Variants in PRKAR1B observed in about 807,000 individuals in gnomAD.
PRKAR1B encodes protein kinase cAMP-dependent type I regulatory subunit beta.
PRKAR1B carries 22 observed loss-of-function variants against 46.5 expected under a neutral mutation model. The observed-to-expected ratio is 0.47, with a 90% confidence interval of 0.34 to 0.68. The LOEUF (loss-of-function observed/expected upper bound fraction) is 0.68, where lower values mean the gene tolerates loss of function less well. Among genes scored for constraint, PRKAR1B ranks in the 30% least tolerant of loss-of-function variants. PRKAR1B has a pLI of 0.01. For synonymous variants in PRKAR1B, 259 were observed against 217.7 expected, an observed-to-expected ratio of 1.19 and a Z score of -1.67; for missense variants, 445 against 535.6, an observed-to-expected ratio of 0.83 and a Z score of 1.67.
intron 3 of PRKAR1B, among the ~76,000 whole-genome samples, chr7:677,592 A>T (rs1359669279): frequency 6.6e-6 from 1 of 152,026 alleles, no homozygotes; most frequent in Non-Finnish European, 1.5e-5. Flanking sequence ...ACACTTGGCT[A>T]ACTTTTTTAT....
chr7:581,737 A>G (rs1780197547), intron 8 of PRKAR1B, among the ~76,000 whole-genome samples: 1 of 152,044 alleles, frequency 6.6e-6, no homozygotes, highest in Non-Finnish European at 1.5e-5. Context: ...TTTTCAAGAG[A>G]CAGGGTCTCG....
intron 4 of PRKAR1B, among the ~76,000 whole-genome samples, chr7:608,726 G>A (rs1293644663): frequency 1.9e-4 from 22 of 117,580 alleles, no homozygotes; most frequent in South Asian, 1.1e-3. Context: ...ACCTGGGGAG[G>A]GGTCAGTGTG....
At chr7:553,648 C>T (rs916273446) in intron 9 of PRKAR1B, among the ~76,000 whole-genome samples, 2 of 152,206 alleles carry the variant, frequency 1.3e-5, no homozygotes, top group African/African-American at 2.4e-5. Flanking sequence ...AAGGTGGGCT[C>T]GGTTCACCCT....
At chr7:579,542 A>G (rs1156773843) in intron 8 of PRKAR1B, among the ~76,000 whole-genome samples, 165 bp from the exon 9 acceptor site, 1 of 152,216 alleles carries the variant, frequency 6.6e-6, no homozygotes, top group Admixed American at 6.5e-5. Context: ...GCTGTCCCCC[A>G]GCACCTCTGT....
At chr7:580,489 A>T (rs1332595383) in intron 8 of PRKAR1B, among the ~76,000 whole-genome samples, 1 of 152,214 alleles carries the variant, frequency 6.6e-6, no homozygotes, top group Non-Finnish European at 1.5e-5. Context: ...GGGACTGATC[A>T]AACAACATGG....
At chr7:557,048 C>A (rs1778487640) in intron 9 of PRKAR1B, among the ~76,000 whole-genome samples, 1 of 152,226 alleles carries the variant, frequency 6.6e-6, no homozygotes, top group Non-Finnish European at 1.5e-5. Context: ...GCCCCTCCCA[C>A]CCCCGGCCTG....
chr7:592,350 G>A (rs1781025352), intron 7 of PRKAR1B, among the ~76,000 whole-genome samples: 1 of 152,256 alleles, frequency 6.6e-6, no homozygotes, highest in Admixed American at 6.5e-5. Context: ...TGCTTGTGCT[G>A]AGAAATGGAG....
rs1325764523 is a variant in PRKAR1B, at chr7:667,408, AACAC to A, written c.440+9817_440+9820del. On this transcript the variant is annotated intron_variant, in intron 4 of 10. Transcript: ENST00000537384. The surrounding 1 kb of genome is among the most constrained non-coding windows in gnomAD (Gnocchi z 4.3). ...CTCTCTCCTTCCAAAAGATGTTTTAAACACACCTTAAATTCTGTGGTATCTGAGT... is the reference window on the plus strand; with the variant it reads ...CTCTCTCCTTCCAAAAGATGTTTTAAACCTTAAATTCTGTGGTATCTGAGT... 6.6e-6 allele frequency among the ~76,000 whole-genome samples: 1 copy of A among 152,200 alleles called. No homozygotes were observed. Among genetic ancestry groups the A allele is most frequent in the Non-Finnish European group, 1.5e-5 (1 of 68,040 alleles).
intron 4 of PRKAR1B, among the ~76,000 whole-genome samples, chr7:660,368 A>G (rs553654027): frequency 1.1e-4 from 16 of 145,720 alleles, no homozygotes; most frequent in African/African-American, 4.1e-4. Flanking sequence ...AATACCTACA[A>G]TCCCTCCCAT....
chr7:586,886 CTTTTTTT>C (rs67760235), intron 7 of PRKAR1B, among the ~76,000 whole-genome samples: 125 of 129,310 alleles, frequency 9.7e-4, no homozygotes, highest in African/African-American at 3.5e-3. Context: ...ATCCCACCTT[CTTTTTTT>C]TTTTTTTTTT....
intron 9 of PRKAR1B, among the ~76,000 whole-genome samples, chr7:557,692 G>C (rs1778533069): frequency 6.6e-6 from 1 of 152,204 alleles, no homozygotes; most frequent in South Asian, 2.1e-4. Flanking sequence ...CCCAGCTTGA[G>C]ACGCACCACG....
chr7:678,069 G>A (rs976194523), intron 3 of PRKAR1B, among the ~76,000 whole-genome samples: 10 of 152,086 alleles, frequency 6.6e-5, no homozygotes, highest in Non-Finnish European at 8.8e-5. Flanking sequence ...TCAAGAGTTC[G>A]AGACCAGCCT....
chr7:726,857 G>A (rs1345111657), intron 1 of PRKAR1B: 1 of 1,318,506 alleles, frequency 7.6e-7, no homozygotes, highest in Non-Finnish European at 9.6e-7. Context: ...AAGCCGGGCC[G>A]GCGGCGCGCC....
chr7:556,768 A>G (rs919695551), intron 9 of PRKAR1B, among the ~76,000 whole-genome samples: 1 of 151,906 alleles, frequency 6.6e-6, no homozygotes, highest in Non-Finnish European at 1.5e-5. Flanking sequence ...TCATCCTTTC[A>G]CCTTCTCCAA....
chr7:664,278 C>T (rs150408392), intron 4 of PRKAR1B, among the ~76,000 whole-genome samples: 3 of 152,346 alleles, frequency 2.0e-5, no homozygotes, highest in Non-Finnish European at 2.9e-5. Context: ...AAAGCTGGTG[C>T]ATCCCTCCTT....
chr7:680,169 AAAAAAAAAAGAG>A (rs1778583451), intron 3 of PRKAR1B, among the ~76,000 whole-genome samples: 1 of 150,916 alleles, frequency 6.6e-6, no homozygotes, highest in African/African-American at 2.5e-5. Context: ...AAAAAAAAAA[AAAAAAAAAAGAG>A]AGAGACCAGA....
chr7:672,448 G>A (rs1057417722), intron 4 of PRKAR1B, among the ~76,000 whole-genome samples: 23 of 151,866 alleles, frequency 1.5e-4, no homozygotes, highest in African/African-American at 3.4e-4. Context: ...CACCGCACCC[G>A]GCCTTGTTGA....
At chr7:627,245 C>T (rs1010647006) in intron 4 of PRKAR1B, among the ~76,000 whole-genome samples, 6 of 152,230 alleles carry the variant, frequency 3.9e-5, no homozygotes, top group Non-Finnish European at 8.8e-5. Context: ...CCGCCTCAGC[C>T]TCTCAAAGTG....
At position 670,510 on chromosome 7, in the gene PRKAR1B, C is replaced by T. The variant is rs577198880; in HGVS notation, c.440+6719G>A. Among the ~76,000 whole-genome samples the T allele has an allele frequency of 6.1e-5, 9 of 147,962 alleles. No homozygotes were observed. In the East Asian group the frequency reaches 1.9e-3, roughly 31 times the overall value. On this transcript the variant is annotated intron_variant, in intron 4 of 10. Transcript: ENST00000537384. ...AGCGTCCAGCAGAGGGGCTCAGGAC[C>T]GAGGACGGCCTCTGAGCTCCCCGAC...
Sources: allele counts gnomAD v4.1 joint callset (sites outside exome capture counted in the v4.1 genomes callset), GRCh38; gene constraint gnomAD v4.1.1; non-coding constraint Gnocchi (gnomAD v3.1); transcripts MANE v1.5; gene names NCBI Gene and HGNC (gene_info 2026-07-23, HGNC 2026-07-21).